Variants in HS6ST2 observed in about 807,000 individuals in gnomAD.
The protein encoded by HS6ST2 is heparan-sulfate 6-O-sulfotransferase 2.
HS6ST2 carries 17 observed loss-of-function variants against 33.0 expected under a neutral mutation model. The ratio of observed to expected loss-of-function variants is 0.52; its 90% CI spans 0.35 to 0.77. The LOEUF is 0.77. Among genes scored for constraint, HS6ST2 ranks in the 30% least tolerant of loss-of-function variants. The pLI is 0.01. For missense variants in HS6ST2, 519 were observed against 551.7 expected, an observed-to-expected ratio of 0.94 and a Z score of 0.59; for synonymous variants, 248 against 237.1, an observed-to-expected ratio of 1.05 and a Z score of -0.42.
chrX:132,854,957 A>T (rs1440537444), intron 2 of HS6ST2, among the ~76,000 whole-genome samples: 3 of 112,413 alleles, frequency 2.7e-5, no homozygotes, highest in Non-Finnish European at 5.6e-5. Flanking sequence ...CCAAAATGCT[A>T]GAGAAAATGG....
intron 2 of HS6ST2, among the ~76,000 whole-genome samples, chrX:132,952,468 G>C (rs1410859323): frequency 9.0e-6 from 1 of 111,130 alleles, no homozygotes; most frequent in Non-Finnish European, 1.9e-5. Context: ...CAAGCCTGTT[G>C]TGTCATTTTG....
At chrX:132,649,858 A>G (rs2063677024) in intron 4 of HS6ST2, among the ~76,000 whole-genome samples, 3 of 39,909 alleles carry the variant, frequency 7.5e-5, no homozygotes, top group African/African-American at 7.5e-4. Context: ...ACTCTATCTA[A>G]AAAAAAAAAA....
chrX:132,883,323 T>A (rs936621458), intron 2 of HS6ST2, among the ~76,000 whole-genome samples: 1 of 111,517 alleles, frequency 9.0e-6, no homozygotes, highest in Non-Finnish European at 1.9e-5. Flanking sequence ...ATTGGTCTAT[T>A]CAGGGATTCA....
intron 2 of HS6ST2, among the ~76,000 whole-genome samples, chrX:132,865,338 T>C (rs1390756617): frequency 2.7e-5 from 3 of 111,033 alleles, no homozygotes; most frequent in African/African-American, 9.8e-5. Context: ...TAGTATTCCA[T>C]GGTGTATATG....
At chrX:132,743,766 T>G (rs1040771320) in intron 2 of HS6ST2, among the ~76,000 whole-genome samples, 4 of 111,505 alleles carry the variant, frequency 3.6e-5, no homozygotes, top group African/African-American at 1.3e-4. Flanking sequence ...GTTTTTTGTT[T>G]GTTTGTTTGT....
intron 2 of HS6ST2, among the ~76,000 whole-genome samples, chrX:132,842,695 C>T (rs1377612192): frequency 9.0e-6 from 1 of 111,245 alleles, no homozygotes; most frequent in African/African-American, 3.3e-5. Flanking sequence ...TCAGTGCATC[C>T]GACAGAAGCA....
chrX:132,853,629 CCCTACATTAT>C (rs1338389108), intron 2 of HS6ST2, among the ~76,000 whole-genome samples: 1 of 111,242 alleles, frequency 9.0e-6, no homozygotes, highest in African/African-American at 3.3e-5. Context: ...TTACATCAAG[CCCTACATTAT>C]GATTGTAAGT....
intron 2 of HS6ST2, among the ~76,000 whole-genome samples, chrX:132,907,785 G>A (rs1569503054): frequency 8.9e-6 from 1 of 112,202 alleles, no homozygotes; most frequent in Non-Finnish European, 1.9e-5. Context: ...GAAATCGATC[G>A]GAGACAGAAA....
intron 2 of HS6ST2, among the ~76,000 whole-genome samples, chrX:132,801,555 C>T (rs1321811976): frequency 6.3e-5 from 7 of 111,766 alleles, no homozygotes; most frequent in African/African-American, 2.3e-4. Context: ...GACCACCCCA[C>T]AGGCCAGTAG....
At chrX:132,906,206 G>A (rs953690283) in intron 2 of HS6ST2, among the ~76,000 whole-genome samples, 1 of 112,169 alleles carries the variant, frequency 8.9e-6, no homozygotes, top group Non-Finnish European at 1.9e-5. Flanking sequence ...TCTCAATAAA[G>A]CTTTATAAAC....
chrX:132,800,697 G>T (rs1006546210), intron 2 of HS6ST2, among the ~76,000 whole-genome samples: 3 of 111,323 alleles, frequency 2.7e-5, no homozygotes, highest in African/African-American at 9.8e-5. Flanking sequence ...GCTCCAGAGG[G>T]ACTACATGCT....
At chrX:132,811,031 GT>G (rs199554568) in intron 2 of HS6ST2, among the ~76,000 whole-genome samples, 2,249 of 112,499 alleles carry the variant, frequency 0.02, 53 homozygotes, top group African/African-American at 0.069. Flanking sequence ...TACTACATTA[GT>G]TTGATGGAAG....
At position 132,776,112 on chromosome X, in the gene HS6ST2, A is replaced by G. The variant is rs763264425; in HGVS notation, c.948-67618T>C. 3.6e-5 allele frequency among the ~76,000 whole-genome samples: 4 copies of G among 112,096 alleles called. No homozygotes were observed. In the South Asian group the frequency reaches 1.5e-3, roughly 42 times the overall value. ...AGGTGCTTGCAACAATTGTATGATC[A>G]TGGGGTGGATGGCGAATAAGATAAT... On this transcript the variant is annotated intron_variant, in intron 2 of 4. Transcript: ENST00000370833.
chrX:132,630,437 A>G (rs1210278948), intron 4 of HS6ST2, among the ~76,000 whole-genome samples: 2 of 111,201 alleles, frequency 1.8e-5, no homozygotes, highest in Non-Finnish European at 3.8e-5. Context: ...CACCTCAGGC[A>G]TCCTGAAATC....
intron 2 of HS6ST2, among the ~76,000 whole-genome samples, chrX:132,930,958 TA>T (rs919039508): frequency 1.8e-5 from 2 of 109,286 alleles, no homozygotes; most frequent in Non-Finnish European, 3.8e-5. Flanking sequence ...TTGGAGCCAA[TA>T]AAAAAAAATC....
intron 2 of HS6ST2, among the ~76,000 whole-genome samples, chrX:132,727,240 G>C (rs975769328): frequency 6.8e-5 from 7 of 102,317 alleles, no homozygotes; most frequent in Admixed American, 2.1e-4. Context: ...CATTATTGGG[G>C]GGGGGGGCAT....
chrX:132,670,304 G>C (rs1483937768), intron 3 of HS6ST2, among the ~76,000 whole-genome samples: 1 of 111,909 alleles, frequency 8.9e-6, no homozygotes, highest in Non-Finnish European at 1.9e-5. Flanking sequence ...GCAAGTAGCT[G>C]TATTTATATG....
At position 132,958,622 on chromosome X, in the gene HS6ST2, AG is replaced by A. The variant is rs1462650730; in HGVS notation, c.-21del. On this transcript the variant is annotated 5_prime_UTR_variant, in exon 1 of 5. Transcript: ENST00000370833. Reference sequence around the variant, plus strand: ...TGCCATTCCCCCCTTCAGGCAACTCAGGGTACTAAGGATCACGAGCGAGCTT... The same window carrying A: ...TGCCATTCCCCCCTTCAGGCAACTCAGGTACTAAGGATCACGAGCGAGCTT... 3 of 1,132,092 alleles carry A rather than the reference AG, an allele frequency of 2.6e-6. No individual in the cohort carries two copies. In the African/African-American group the frequency reaches 5.4e-5, roughly 21 times the overall value. 93.3% of individuals were successfully genotyped at this position (1,132,092 alleles called of 1,213,427 possible).
chrX:132,799,354 A>T (rs2065213675), intron 2 of HS6ST2, among the ~76,000 whole-genome samples: 1 of 102,396 alleles, frequency 9.8e-6, no homozygotes, highest in Admixed American at 1.1e-4. Flanking sequence ...CCCATAAATC[A>T]TCATGTTCTC....
Sources: allele counts gnomAD v4.1 joint callset (sites outside exome capture counted in the v4.1 genomes callset), GRCh38; gene constraint gnomAD v4.1.1; transcripts MANE v1.5; gene names NCBI Gene and HGNC (gene_info 2026-07-23, HGNC 2026-07-21).